The following SLC4A5 variants were observed in gnomAD, a reference collection of about 807,000 sequenced individuals.
The protein encoded by SLC4A5 is electrogenic sodium bicarbonate cotransporter 4.
Under a neutral mutation model 120.4 loss-of-function variants are expected in SLC4A5, and 96 were observed. The observed-to-expected ratio is 0.80, with a 90% CI of 0.68 to 0.94. The LOEUF is 0.94. Among genes scored for constraint, SLC4A5 ranks in the 40% least tolerant of loss-of-function variants. SLC4A5 has a pLI of 0.00. For synonymous variants in SLC4A5, 550 were observed against 571.1 expected (o/e 0.96, Z 0.53); for missense variants, 1,259 against 1,459.5 (o/e 0.86, Z 2.24).
intron 19 of SLC4A5, among the ~76,000 whole-genome samples, chr2:74,245,612 A>G (rs1332891500): frequency 6.6e-6 from 1 of 152,218 alleles, no homozygotes; most frequent in Admixed American, 6.5e-5. Flanking sequence ...TTTTAGTGGA[A>G]TAACTCAAAA....
At chr2:74,250,565 G>A (rs1206540952) in intron 16 of SLC4A5, 48 bp from the exon 17 acceptor site, 2 of 1,603,862 alleles carry the variant, frequency 1.2e-6, no homozygotes, top group Admixed American at 1.7e-5. Context: ...TAACACCAGT[G>A]CAGGGGCAGG....
In SLC4A5 at chr2:74,237,389, G is replaced by A. The variant is rs150732567; in HGVS notation, c.2319+1946C>T. ...CAACAGATAGATACTCTCAGATACA[G>A]TGACTGCTTGAGAATTTTTACATAA... On this transcript the variant is annotated intron_variant, in intron 21 of 30. Transcript: ENST00000394019. 7.9e-5 allele frequency among the ~76,000 whole-genome samples: 12 copies of A among 152,326 alleles called. No individual in the cohort carries two copies. The East Asian group carries it at 2.3e-3, about 29-fold the overall frequency.
chr2:74,325,180 T>G (rs1376726316), intron 5 of SLC4A5, among the ~76,000 whole-genome samples: 1 of 152,212 alleles, frequency 6.6e-6, no homozygotes, highest in African/African-American at 2.4e-5. Context: ...ATTTCCTATT[T>G]GAAGTACTAT....
chr2:74,306,593 C>G (rs1002161530), intron 6 of SLC4A5: 2 of 324,552 alleles, frequency 6.2e-6, no homozygotes, highest in East Asian at 1.4e-4. Context: ...TTGGCTCTTT[C>G]AACTAGCAAT....
At chr2:74,227,631 A>G in intron 26 of SLC4A5, 179 bp downstream of exon 26, 1 of 1,331,090 alleles carries the variant, frequency 7.5e-7, no homozygotes, top group Non-Finnish European at 1.1e-6. Context: ...GAAGTGCCTA[A>G]CATATTTATT....
intron 25 of SLC4A5, among the ~76,000 whole-genome samples, chr2:74,229,565 C>T (rs535358543): frequency 6.6e-6 from 1 of 152,118 alleles, no homozygotes; most frequent in East Asian, 1.9e-4. Context: ...CTGATTCGAG[C>T]TTTTTAATGC....
At chr2:74,336,260 G>C (rs1256841544) in intron 3 of SLC4A5, among the ~76,000 whole-genome samples, 1 of 152,076 alleles carries the variant, frequency 6.6e-6, no homozygotes, top group Non-Finnish European at 1.5e-5. Context: ...GTAGAGATGA[G>C]GTCTCAATAT....
intron 6 of SLC4A5, among the ~76,000 whole-genome samples, chr2:74,311,715 T>A (rs1349092717): frequency 3.9e-5 from 6 of 152,206 alleles, no homozygotes; most frequent in African/African-American, 4.8e-5. Flanking sequence ...GTGTTTTATG[T>A]CCCAGAATGT....
chr2:74,238,155 G>A (rs567943829), intron 21 of SLC4A5, among the ~76,000 whole-genome samples: 107 of 151,254 alleles, frequency 7.1e-4, no homozygotes, highest in Non-Finnish European at 1.4e-3. Flanking sequence ...CATTTACGAC[G>A]GTATAAAAAA....
intron 18 of SLC4A5, among the ~76,000 whole-genome samples, chr2:74,247,870 C>T (rs1051657068): frequency 1.5e-4 from 23 of 151,962 alleles, no homozygotes; most frequent in Non-Finnish European, 4.4e-5. Context: ...GCCAAGACAT[C>T]TCAGTGCTCA....
intron 30 of SLC4A5, among the ~76,000 whole-genome samples, chr2:74,219,950 C>G (rs188740801): frequency 6.6e-6 from 1 of 152,254 alleles, no homozygotes; most frequent in African/African-American, 2.4e-5. Flanking sequence ...TTCACCCTGG[C>G]ATTGGGATAG....
At chr2:74,260,188 G>A (rs1671091059) in intron 11 of SLC4A5, among the ~76,000 whole-genome samples, 1 of 152,198 alleles carries the variant, frequency 6.6e-6, no homozygotes, top group Non-Finnish European at 1.5e-5. Flanking sequence ...CCTCTGTTAA[G>A]AGAGAGAAAG....
Position 74,304,505 on chromosome 2 carries a change from A to T in SLC4A5, c.255T>A (p.Asp85Glu), listed in dbSNP as rs958085969. ...GGAACTCACGAGTCCTGCTGATAAG[A>T]TCCATGCTGCTGTCCTGGCTGCTTG... Residue 85 changes from aspartate (D) to glutamate (E), a missense_variant, in exon 7 of 31, where the codon GAT becomes GAA. Physicochemically the swap from Asp to Glu is conservative, Grantham distance 45. Transcript: ENST00000394019. 2.5e-6 allele frequency: 4 copies of T among 1,612,674 alleles called. No homozygotes were observed. The African/African-American group carries it at 5.3e-5, about 22-fold the overall frequency.
chr2:74,332,361 G>A (rs191046514), intron 4 of SLC4A5, among the ~76,000 whole-genome samples: 8 of 152,110 alleles, frequency 5.3e-5, no homozygotes, highest in Non-Finnish European at 8.8e-5. Flanking sequence ...CAGATGTTGG[G>A]ACTCTTAATG....
At chr2:74,277,757 A>G (rs1036635546) in intron 8 of SLC4A5, among the ~76,000 whole-genome samples, 1 of 152,182 alleles carries the variant, frequency 6.6e-6, no homozygotes, top group Non-Finnish European at 1.5e-5. Context: ...AGAGAAACTG[A>G]ATCTAGACTA....
intron 11 of SLC4A5, 47 bp from the exon 12 acceptor site, chr2:74,259,690 G>C: frequency 6.3e-7 from 1 of 1,595,732 alleles, no homozygotes; most frequent in East Asian, 2.2e-5. Flanking sequence ...CCAGGCTCTT[G>C]CAGGTCCCTT....
exon 31 of SLC4A5, chr2:74,218,415 AAT>A (rs528941997): frequency 2.6e-5 from 4 of 152,250 alleles, no homozygotes; most frequent in Non-Finnish European, 5.9e-5. Context: ...TTTAAAATAA[AAT>A]ATAATATTTA....
intron 8 of SLC4A5, among the ~76,000 whole-genome samples, chr2:74,270,021 A>G (rs1671423310): frequency 6.6e-6 from 1 of 152,242 alleles, no homozygotes; most frequent in Non-Finnish European, 1.5e-5. Context: ...GACAAGGGCG[A>G]TAACCCACAT....
intron 8 of SLC4A5, among the ~76,000 whole-genome samples, chr2:74,279,385 C>A (rs1460717602): frequency 2.6e-5 from 4 of 152,164 alleles, no homozygotes; most frequent in Non-Finnish European, 5.9e-5. Context: ...TCTCTCAGCC[C>A]TTGATTTCCA....
Sources: allele counts gnomAD v4.1 joint callset (sites outside exome capture counted in the v4.1 genomes callset), GRCh38; gene constraint gnomAD v4.1.1; transcripts MANE v1.5; gene names NCBI Gene and HGNC (gene_info 2026-07-23, HGNC 2026-07-21).